Variants in ANKRD31 observed in about 807,000 individuals in gnomAD.
The protein encoded by ANKRD31 is ankyrin repeat domain 31, also known as ankyrin repeat domain-containing protein 31.
In ANKRD31, 147 loss-of-function variants were observed where a neutral mutation model predicts 186.0. The ratio of observed to expected loss-of-function variants is 0.79; its 90% CI spans 0.69 to 0.91. The LOEUF is 0.91. Ranked by LOEUF, ANKRD31 falls within the 40% of genes least tolerant of loss-of-function variation. The pLI, the probability that ANKRD31 is intolerant of heterozygous loss-of-function variation, is 0.00. For synonymous variants in ANKRD31, 673 were observed against 736.4 expected, an observed-to-expected ratio of 0.91 and a Z score of 1.39; for missense variants, 1,986 against 2,148.8, an observed-to-expected ratio of 0.92 and a Z score of 1.50.
At chr5:75,112,416 T>G (rs1462861066) in intron 20 of ANKRD31, 97 bp downstream of exon 20, 11 of 760,034 alleles carry the variant, frequency 1.4e-5, no homozygotes, top group Non-Finnish European at 2.2e-5. Flanking sequence ...AGAACACCAC[T>G]TTTTCAGCCT....
intron 11 of ANKRD31, among the ~76,000 whole-genome samples, chr5:75,165,287 A>C (rs913536321): frequency 6.6e-6 from 1 of 152,238 alleles, no homozygotes; most frequent in Non-Finnish European, 1.5e-5. Flanking sequence ...CTGACTCTTC[A>C]TCCCTAATAG....
chr5:75,168,207 C>A (rs1314427152), intron 11 of ANKRD31, among the ~76,000 whole-genome samples: 1 of 152,184 alleles, frequency 6.6e-6, no homozygotes, highest in African/African-American at 2.4e-5. Context: ...CCTTCTCCGC[C>A]TCTGCCTGTG....
intron 22 of ANKRD31, among the ~76,000 whole-genome samples, chr5:75,096,363 GT>G (rs994704346): frequency 2.6e-5 from 4 of 151,784 alleles, no homozygotes; most frequent in South Asian, 2.1e-4. Flanking sequence ...GGGATCATTT[GT>G]TTTTTTTCTT....
chr5:75,203,526 G>T (rs1020111493), intron 5 of ANKRD31, among the ~76,000 whole-genome samples: 1 of 151,894 alleles, frequency 6.6e-6, no homozygotes, highest in East Asian at 1.9e-4. Flanking sequence ...AGCCAGGCCT[G>T]GTGGCACGTG....
At chr5:75,200,792 A>C (rs1056778984) in intron 5 of ANKRD31, among the ~76,000 whole-genome samples, 2 of 151,494 alleles carry the variant, frequency 1.3e-5, no homozygotes, top group Non-Finnish European at 2.9e-5. Flanking sequence ...CACACCTGTA[A>C]TCCCAGCTAC....
At chr5:75,094,597 G>T (rs1198438359) in intron 22 of ANKRD31, among the ~76,000 whole-genome samples, 1 of 151,872 alleles carries the variant, frequency 6.6e-6, no homozygotes, top group Non-Finnish European at 1.5e-5. Context: ...GATTGCAAAA[G>T]AAAGCAATAA....
In ANKRD31 at chr5:75,104,968, A is replaced by C; in HGVS notation, c.4591T>G (p.Ser1531Ala). 6.5e-7 allele frequency: 1 copy of C among 1,537,030 alleles called. No homozygotes were observed. Among genetic ancestry groups the C allele is most frequent in the African/African-American group, 1.4e-5 (1 of 73,078 alleles). ...ATGCTTCCAGAAACAGGAGAAAGTG[A>C]ACCTGATTGGGGATGCTCTAAATTT... ...LENLEHPQSGSLSPVSGSMQE... is the reference protein window; with the variant it reads ...LENLEHPQSGALSPVSGSMQE... The change falls in exon 22 of 26, where the codon TCA becomes GCA. Residue 1531 changes from serine to alanine, a missense_variant. Coordinates refer to ENST00000506364, the MANE Select transcript of ANKRD31 (RefSeq NM_001372053.1).
rs114668698 is a variant in ANKRD31, at chr5:75,162,225, C to G, written c.1707+6754G>C. On this transcript the variant is annotated intron_variant, in intron 11 of 25. Transcript: ENST00000506364. ...ACTCTGCAAAGCCACAAAGGCAGAG[C>G]TGCCCACGACCATGGAAACCCACCT... Among the ~76,000 whole-genome samples, 588 of 152,348 alleles carry G rather than the reference C, an allele frequency of 3.9e-3. 7 individuals carry two copies. Among genetic ancestry groups the G allele is most frequent in the African/African-American group, 0.014 (567 of 41,564 alleles).
intron 10 of ANKRD31, among the ~76,000 whole-genome samples, chr5:75,180,748 A>G (rs1238560696): frequency 6.6e-6 from 1 of 152,228 alleles, no homozygotes; most frequent in Non-Finnish European, 1.5e-5. Context: ...TGGATTGAAG[A>G]CTTACATGTT....
In ANKRD31 at chr5:75,199,691, T is replaced by C. The variant is rs927691497; in HGVS notation, c.404-17A>G. The C allele has an allele frequency of 4.6e-5, 70 of 1,530,470 alleles. No homozygotes were observed. The highest frequency in any genetic ancestry group is 6.0e-5 in the Non-Finnish European group (69 of 1,143,328). The allele number at this position is 1,530,470 out of a possible 1,614,324, so 94.8% of individuals were successfully genotyped here. Reference sequence around the variant, plus strand: ...CCTCTGGCCCTAGAAAAAAACAATGTGTTTTCATTCCAGTTTTATGGAAGC... The same window carrying C: ...CCTCTGGCCCTAGAAAAAAACAATGCGTTTTCATTCCAGTTTTATGGAAGC... On this transcript the variant is annotated splice_polypyrimidine_tract_variant and intron_variant, in intron 5 of 25. Transcript: ENST00000506364.
At position 75,146,480 on chromosome 5, in the gene ANKRD31, T is replaced by C. The variant is rs1751447117; in HGVS notation, c.2931A>G (p.Ser977=). The change falls in exon 14 of 26, where the codon TCA becomes TCG. Residue 977 remains serine (S), a synonymous_variant. Coordinates refer to ENST00000506364, the MANE Select transcript of ANKRD31 (RefSeq NM_001372053.1). ...CATGTTCAGAAATAACTGCATTATC[T>C]GAATAAGAAAAATTAACAGCTTCCT... ...PEQEAVNFSY[S]DNAVISEHVA... is the part of the protein sequence containing the mutation. The C allele has an allele frequency of 6.5e-7, 1 of 1,536,378 alleles. No individual in the cohort carries two copies. Among genetic ancestry groups the C allele is most frequent in the African/African-American group, 1.4e-5 (1 of 72,982 alleles).
chr5:75,229,513 C>A (rs1757816612), intron 2 of ANKRD31, among the ~76,000 whole-genome samples: 1 of 152,016 alleles, frequency 6.6e-6, no homozygotes, highest in Non-Finnish European at 1.5e-5. Context: ...AATTAAGGAA[C>A]AAGACAGGAT....
At chr5:75,189,018 T>C (rs1754923807) in intron 9 of ANKRD31, among the ~76,000 whole-genome samples, 1 of 152,100 alleles carries the variant, frequency 6.6e-6, no homozygotes, top group East Asian at 1.9e-4. Context: ...AATAATATAT[T>C]ATCAAATTTA....
At chr5:75,218,280 A>G (rs1757082147) in intron 3 of ANKRD31, among the ~76,000 whole-genome samples, 1 of 152,184 alleles carries the variant, frequency 6.6e-6, no homozygotes, top group South Asian at 2.1e-4. Context: ...CTGACCCCAC[A>G]AAAATGCAAA....
intron 17 of ANKRD31, among the ~76,000 whole-genome samples, chr5:75,131,654 G>A (rs1368710540): frequency 6.6e-6 from 1 of 152,198 alleles, no homozygotes; most frequent in Non-Finnish European, 1.5e-5. Context: ...CAGCTTTGAA[G>A]AGAGTAGTGG....
At chr5:75,210,664 T>G (rs556606014) in intron 4 of ANKRD31, among the ~76,000 whole-genome samples, 164 bp downstream of exon 4, 1 of 152,292 alleles carries the variant, frequency 6.6e-6, no homozygotes, top group African/African-American at 2.4e-5. Context: ...GAAATAAAAC[T>G]TATCTAGAAT....
chr5:75,162,976 C>A (rs933407537), intron 11 of ANKRD31, among the ~76,000 whole-genome samples: 1 of 152,034 alleles, frequency 6.6e-6, no homozygotes. Flanking sequence ...TTTTTTTAAG[C>A]TAAACATTTG....
At chr5:75,144,971 C>CA (rs2150141555) in intron 14 of ANKRD31, among the ~76,000 whole-genome samples, 1 of 144,908 alleles carries the variant, frequency 6.9e-6, no homozygotes, top group Non-Finnish European at 1.5e-5. Context: ...TTTATGTGGC[C>CA]AAAAAACATG....
At chr5:75,147,873 G>A (rs1751588542) in intron 13 of ANKRD31, among the ~76,000 whole-genome samples, 1 of 151,844 alleles carries the variant, frequency 6.6e-6, no homozygotes, top group African/African-American at 2.4e-5. Flanking sequence ...AGGAAACTCT[G>A]TGTTGGTGTA....
Sources: allele counts gnomAD v4.1 joint callset (sites outside exome capture counted in the v4.1 genomes callset), GRCh38; gene constraint gnomAD v4.1.1; transcripts MANE v1.5; gene names NCBI Gene and HGNC (gene_info 2026-07-23, HGNC 2026-07-21).